CLSTN1: variants seen among roughly 807,000 people sequenced by gnomAD.
CLSTN1 encodes calsyntenin 1.
In CLSTN1, 28 loss-of-function variants were observed where a neutral mutation model predicts 108.3. The ratio of observed to expected loss-of-function variants is 0.26; its 90% confidence interval spans 0.19 to 0.35. The LOEUF is 0.35. Among genes scored for constraint, CLSTN1 ranks in the 10% least tolerant of loss-of-function variants. CLSTN1 has a pLI of 1.00. For missense variants in CLSTN1, 1,157 were observed against 1,302.6 expected, an observed-to-expected ratio of 0.89 and a Z score of 1.72; for synonymous variants, 524 against 534.9, an observed-to-expected ratio of 0.98 and a Z score of 0.28.
In CLSTN1 at chr1:9,749,882, G is replaced by A. The variant is rs151087136; in HGVS notation, c.681C>T (p.Tyr227=). Reference sequence around the variant, plus strand: ...TCAGCTTATATTGATGTTCTTTCCCGTAGTTTAATTTCTCTGTGTTTTTTA... The same window carrying A: ...TCAGCTTATATTGATGTTCTTTCCCATAGTTTAATTTCTCTGTGTTTTTTA... ...GYIKNTEKLN[Y]GKEHQYKLTV... Residue 227 remains tyrosine, a synonymous_variant, in exon 6 of 19, where the codon TAC becomes TAT. Transcript: ENST00000377298. 821 of 1,613,630 alleles carry A rather than the reference G, an allele frequency of 5.1e-4. 6 individuals carry two copies. In the East Asian group the frequency reaches 6.7e-3, roughly 13 times the overall value.
chr1:9,771,002 AC>A (rs1171154921), intron 2 of CLSTN1, among the ~76,000 whole-genome samples: 2 of 152,122 alleles, frequency 1.3e-5, no homozygotes, highest in Non-Finnish European at 1.5e-5. Context: ...CAAAAATAAA[AC>A]AAAACAAAAT....
At chr1:9,776,165 C>T (rs1187656560) in intron 1 of CLSTN1, among the ~76,000 whole-genome samples, 1 of 152,066 alleles carries the variant, frequency 6.6e-6, no homozygotes, top group Non-Finnish European at 1.5e-5. Flanking sequence ...GACGGGATTT[C>T]ACCATGCTGG....
At chr1:9,783,673 T>C (rs556874023) in intron 1 of CLSTN1, among the ~76,000 whole-genome samples, 67 of 150,080 alleles carry the variant, frequency 4.5e-4, no homozygotes, top group Non-Finnish European at 7.4e-4. Flanking sequence ...CTGGCCAACA[T>C]GGTGAAACCC....
rs918941780 is a variant in CLSTN1, at chr1:9,764,016, C to A, written c.215-7506G>T. ...GGCTGGAAAGTTCAAGGTTGGGCAT[C>A]TGCATCTGATGAGGGCCTCAGGCTA... On this transcript the variant is annotated intron_variant, in intron 2 of 18. Transcript: ENST00000377298. Among the ~76,000 whole-genome samples the A allele has an allele frequency of 2.0e-5, 3 of 152,036 alleles. No homozygotes were observed. The South Asian group carries it at 6.2e-4, about 32-fold the overall frequency.
intron 1 of CLSTN1, among the ~76,000 whole-genome samples, chr1:9,819,063 G>C (rs1286221640): frequency 6.6e-6 from 1 of 151,642 alleles, no homozygotes; most frequent in Non-Finnish European, 1.5e-5. Flanking sequence ...CAAAATGCTG[G>C]GATTACAGGT....
intron 1 of CLSTN1, among the ~76,000 whole-genome samples, chr1:9,787,034 A>G (rs1459050017): frequency 1.3e-5 from 2 of 151,398 alleles, no homozygotes; most frequent in Admixed American, 1.3e-4. Context: ...TTGGGGGTGA[A>G]GAGGTGGCTG....
chr1:9,739,883 C>G (rs1407604941), intron 10 of CLSTN1, among the ~76,000 whole-genome samples: 1 of 143,348 alleles, frequency 7.0e-6, no homozygotes, highest in Non-Finnish European at 1.5e-5. Flanking sequence ...GTGGTGCTAT[C>G]TCGGCTCACT....
chr1:9,801,690 G>A (rs1024327861), intron 1 of CLSTN1, among the ~76,000 whole-genome samples: 2 of 152,162 alleles, frequency 1.3e-5, no homozygotes, highest in African/African-American at 4.8e-5. Flanking sequence ...GAGTAGCTGG[G>A]ATTACAGGCA....
At chr1:9,765,811 A>G (rs1175051468) in intron 2 of CLSTN1, among the ~76,000 whole-genome samples, 1 of 151,966 alleles carries the variant, frequency 6.6e-6, no homozygotes, top group African/African-American at 2.4e-5. Context: ...TGAACCCGGG[A>G]GGTTGCAGTG....
At position 9,801,631 on chromosome 1, in the gene CLSTN1, T is replaced by G. The variant is rs577542901; in HGVS notation, c.91+22012A>C. ...GCGCAGTGGCACGATCTCGGCTCAC[T>G]GCAACCTCTGCCTTCTGGGTTCAAG... On this transcript the variant is annotated intron_variant, in intron 1 of 18. Coordinates refer to ENST00000377298, the MANE Select transcript of CLSTN1 (RefSeq NM_001009566.3). Among the ~76,000 whole-genome samples, 9 of 152,310 alleles carry G rather than the reference T, an allele frequency of 5.9e-5. No individual in the cohort carries two copies. The South Asian group carries it at 1.9e-3, about 32-fold the overall frequency.
chr1:9,807,368 G>T (rs80194238), intron 1 of CLSTN1, among the ~76,000 whole-genome samples: 66 of 151,970 alleles, frequency 4.3e-4, no homozygotes, highest in Admixed American at 1.2e-3. Context: ...ATTTACAAAC[G>T]ACAACTTCTA....
intron 1 of CLSTN1, among the ~76,000 whole-genome samples, chr1:9,781,958 A>G (rs532321329): frequency 6.6e-6 from 1 of 152,176 alleles, no homozygotes; most frequent in South Asian, 2.1e-4. Context: ...TTTATGCATT[A>G]TAACTGTGGA....
At chr1:9,749,226 A>G (rs1003297668) in intron 7 of CLSTN1, among the ~76,000 whole-genome samples, 2 of 152,148 alleles carry the variant, frequency 1.3e-5, no homozygotes, top group Non-Finnish European at 2.9e-5. Context: ...TAAAATGCAC[A>G]TATACACAAC....
chr1:9,792,965 G>A (rs549277434), intron 1 of CLSTN1, among the ~76,000 whole-genome samples: 2 of 151,460 alleles, frequency 1.3e-5, no homozygotes, highest in African/African-American at 2.4e-5. Context: ...TTTATCTCTA[G>A]AGTAAGCAAA....
At chr1:9,794,857 C>A (rs1653920159) in intron 1 of CLSTN1, among the ~76,000 whole-genome samples, 1 of 151,158 alleles carries the variant, frequency 6.6e-6, no homozygotes, top group Non-Finnish European at 1.5e-5. Flanking sequence ...GTCTCCTGAC[C>A]TTCACATACA....
chr1:9,776,849 CATCT>C (rs1453448842), intron 1 of CLSTN1, among the ~76,000 whole-genome samples: 8 of 111,126 alleles, frequency 7.2e-5, no homozygotes, highest in Non-Finnish European at 1.3e-4. Flanking sequence ...ATTTATCTAT[CATCT>C]ATCAGCATTT....
intron 2 of CLSTN1, among the ~76,000 whole-genome samples, chr1:9,769,105 G>A (rs1325409143): frequency 6.8e-6 from 1 of 146,412 alleles, no homozygotes; most frequent in Non-Finnish European, 1.5e-5. Flanking sequence ...AAGCGAAGGA[G>A]GGAAGGAGAG....
rs1570452246 is a variant in CLSTN1, at chr1:9,751,502, G to A, written c.620C>T (p.Pro207Leu). 1 of 1,614,108 alleles carries A rather than the reference G, an allele frequency of 6.2e-7. No homozygotes were observed. Among genetic ancestry groups the A allele is most frequent in the Non-Finnish European group, 8.5e-7 (1 of 1,180,016 alleles). Residue 207 changes from proline to leucine, a missense_variant, in exon 5 of 19, where the codon CCA becomes CTA. Transcript: ENST00000377298. ...TTTGTCAACAGTAAAGGGCACGTCT[G>A]GAGTGATGATTTCGTAGCTGCAAAT... is the stretch of plus-strand genomic sequence containing the variant. Reference protein sequence around the residue: ...SQICSYEIITPDVPFTVDKDG... With the variant: ...SQICSYEIITLDVPFTVDKDG...
intron 1 of CLSTN1, among the ~76,000 whole-genome samples, chr1:9,773,970 G>A (rs566341876): frequency 5.3e-5 from 8 of 151,700 alleles, no homozygotes; most frequent in South Asian, 2.1e-4. Flanking sequence ...TTGAACCCCC[G>A]GGCTCAAGTG....
Sources: allele counts gnomAD v4.1 joint callset (sites outside exome capture counted in the v4.1 genomes callset), GRCh38; gene constraint gnomAD v4.1.1; transcripts MANE v1.5; gene names NCBI Gene and HGNC (gene_info 2026-07-23, HGNC 2026-07-21).